Variants in CLIC4 observed in about 807,000 individuals in gnomAD.
CLIC4 encodes the protein CLIC family member 4.
A neutral mutation model predicts 24.6 loss-of-function variants in CLIC4; 13 were observed. The ratio of observed to expected loss-of-function variants is 0.53; its 90% confidence interval spans 0.34 to 0.84. The LOEUF is 0.84. CLIC4 is among the 40% of genes least tolerant of loss of function. CLIC4 has a pLI of 0.01. For missense variants in CLIC4, 227 were observed against 301.7 expected (o/e 0.75, Z 1.83); for synonymous variants, 104 against 111.3 (o/e 0.93, Z 0.41).
intron 1 of CLIC4, among the ~76,000 whole-genome samples, chr1:24,762,499 C>T (rs535183150): frequency 1.2e-4 from 18 of 152,190 alleles, no homozygotes; most frequent in African/African-American, 3.9e-4. Flanking sequence ...TTCTGAGGAA[C>T]TCTAAACACT....
At chr1:24,751,492 C>A (rs1018766891) in intron 1 of CLIC4, among the ~76,000 whole-genome samples, 4 of 152,044 alleles carry the variant, frequency 2.6e-5, no homozygotes, top group Non-Finnish European at 4.4e-5. Flanking sequence ...ACCCGCTCGG[C>A]CTCCCAAAGT....
intron 1 of CLIC4, among the ~76,000 whole-genome samples, chr1:24,792,985 A>G (rs1438036353): frequency 6.6e-6 from 1 of 152,110 alleles, no homozygotes. Context: ...TTTTAGTTTA[A>G]CGTGTTTCTA....
chr1:24,815,735 A>T (rs1200834135), intron 3 of CLIC4, among the ~76,000 whole-genome samples: 1 of 152,184 alleles, frequency 6.6e-6, no homozygotes, highest in Non-Finnish European at 1.5e-5. Context: ...ATAGTGTTTG[A>T]TAGCATTTAA....
chr1:24,811,743 G>C (rs1031261300), intron 2 of CLIC4, among the ~76,000 whole-genome samples: 3 of 152,158 alleles, frequency 2.0e-5, no homozygotes, highest in Admixed American at 6.5e-5. Context: ...GCCTCTCAAA[G>C]TGCTAATGTT....
In CLIC4 at chr1:24,755,213, G is replaced by A. The variant is rs111894028; in HGVS notation, c.72+9588G>A. 3.1e-3 allele frequency among the ~76,000 whole-genome samples: 463 copies of A among 151,644 alleles called. 1 individual carries two copies. The highest frequency in any genetic ancestry group is 0.01 in the African/African-American group (433 of 41,356). ...GAACTCCTGACCTCATGATCTGCCC[G>A]CCTCGGCCTCCCAAAGTACTGGGAT... On this transcript the variant is annotated intron_variant, in intron 1 of 5. Coordinates refer to ENST00000374379, the MANE Select transcript of CLIC4 (RefSeq NM_013943.3).
At chr1:24,787,469 C>A (rs1277202727) in intron 1 of CLIC4, among the ~76,000 whole-genome samples, 3 of 151,978 alleles carry the variant, frequency 2.0e-5, no homozygotes, top group Non-Finnish European at 2.9e-5. Context: ...ATAATTCACC[C>A]ATTTAAAATA....
intron 1 of CLIC4, among the ~76,000 whole-genome samples, chr1:24,753,382 T>C (rs187687268): frequency 5.3e-4 from 81 of 152,278 alleles, no homozygotes; most frequent in Non-Finnish European, 4.4e-5. Context: ...CAAATTTTAT[T>C]GGAAAGAAAA....
chr1:24,791,811 G>A (rs1639342625), intron 1 of CLIC4, among the ~76,000 whole-genome samples: 1 of 151,112 alleles, frequency 6.6e-6, no homozygotes, highest in African/African-American at 2.4e-5. Context: ...CGGAGGTGGA[G>A]GTTGCAGTGA....
At chr1:24,779,011 A>G (rs1639173969) in intron 1 of CLIC4, among the ~76,000 whole-genome samples, 1 of 152,374 alleles carries the variant, frequency 6.6e-6, no homozygotes, top group Non-Finnish European at 1.5e-5. Flanking sequence ...TTTATTCAAA[A>G]GAAGTTCTAT....
At chr1:24,818,360 C>G (rs748018780) in intron 3 of CLIC4, among the ~76,000 whole-genome samples, 2 of 152,080 alleles carry the variant, frequency 1.3e-5, no homozygotes, top group Non-Finnish European at 2.9e-5. Context: ...AATCTTGGCT[C>G]ACTACAACCT....
chr1:24,750,645 G>A (rs1159083010), intron 1 of CLIC4, among the ~76,000 whole-genome samples: 4 of 151,858 alleles, frequency 2.6e-5, no homozygotes, highest in Non-Finnish European at 4.4e-5. Flanking sequence ...GATTACAGGC[G>A]TGAGCCACCG....
At chr1:24,821,949 G>T (rs1412934671) in intron 3 of CLIC4, among the ~76,000 whole-genome samples, 1 of 152,084 alleles carries the variant, frequency 6.6e-6, no homozygotes, top group African/African-American at 2.4e-5. Flanking sequence ...TACTAATTAT[G>T]CACCATGCAT....
intron 2 of CLIC4, among the ~76,000 whole-genome samples, chr1:24,808,245 C>T (rs1639573727): frequency 6.6e-6 from 1 of 152,152 alleles, no homozygotes; most frequent in Admixed American, 6.5e-5. Context: ...TGTGCCCGGT[C>T]TACAGTCATC....
intron 4 of CLIC4, among the ~76,000 whole-genome samples, chr1:24,839,360 T>C (rs376004413): frequency 1.1e-3 from 173 of 152,268 alleles, no homozygotes; most frequent in East Asian, 3.5e-3. Context: ...AGTGCAGTGG[T>C]GCTATCTCGG....
At chr1:24,839,793 C>A in intron 4 of CLIC4, 67 bp from the exon 5 acceptor site, 2 of 1,368,176 alleles carry the variant, frequency 1.5e-6, no homozygotes, top group Non-Finnish European at 2.0e-6. Context: ...AAAGAGTCTG[C>A]TTCTCCTTGG....
At chr1:24,749,020 C>A (rs1638741784) in intron 1 of CLIC4, among the ~76,000 whole-genome samples, 2 of 151,914 alleles carry the variant, frequency 1.3e-5, no homozygotes, top group South Asian at 2.1e-4. Context: ...TTGAGACCAG[C>A]CTGGGCAACA....
At chr1:24,823,599 C>T (rs1639756314) in intron 3 of CLIC4, among the ~76,000 whole-genome samples, 1 of 151,868 alleles carries the variant, frequency 6.6e-6, no homozygotes, top group Admixed American at 6.6e-5. Context: ...ATGGTGAAAC[C>T]CTGTTTCTAA....
intron 1 of CLIC4, among the ~76,000 whole-genome samples, chr1:24,780,569 T>G (rs1639191298): frequency 6.6e-6 from 1 of 152,216 alleles, no homozygotes; most frequent in African/African-American, 2.4e-5. Context: ...CATGGTCATC[T>G]CATCTAAAGT....
chr1:24,767,425 A>G (rs1639015125), intron 1 of CLIC4, among the ~76,000 whole-genome samples: 1 of 152,224 alleles, frequency 6.6e-6, no homozygotes. Context: ...TATATTCAAT[A>G]TACCATATGT....
Sources: allele counts gnomAD v4.1 joint callset (sites outside exome capture counted in the v4.1 genomes callset), GRCh38; gene constraint gnomAD v4.1.1; transcripts MANE v1.5; gene names NCBI Gene and HGNC (gene_info 2026-07-23, HGNC 2026-07-21).